MIA2: variants seen among roughly 807,000 people sequenced by gnomAD.
The protein encoded by MIA2 is MIA SH3 domain ER export factor 2, also known as melanoma inhibitory activity protein 2.
A neutral mutation model predicts 167.8 loss-of-function variants in MIA2; 127 were observed. The ratio of observed to expected loss-of-function variants is 0.76; its 90% CI spans 0.66 to 0.88. The LOEUF (loss-of-function observed/expected upper bound fraction) is 0.88. MIA2 is among the 40% of genes least tolerant of loss of function. The pLI, the probability that MIA2 is intolerant of heterozygous loss-of-function variation, is 0.00. For missense variants in MIA2, 1,690 were observed against 1,624.7 expected (o/e 1.04, Z -0.69); for synonymous variants, 552 against 541.9 (o/e 1.02, Z -0.26).
chr14:39,353,970 G>C (rs1481453251), downstream of MIA2, among the ~76,000 whole-genome samples: 2 of 152,156 alleles, frequency 1.3e-5, no homozygotes, highest in East Asian at 1.9e-4. Context: ...ATCATTGTCG[G>C]ACATTTGGGT....
At chr14:39,248,214 G>T in intron 4 of MIA2, 73 bp downstream of exon 4, 1 of 1,120,046 alleles carries the variant, frequency 8.9e-7, no homozygotes. Flanking sequence ...GTGCAAATCA[G>T]ATGAAAAAGT....
chr14:39,363,821 A>T (rs899466061), intron 23 of MIA2, among the ~76,000 whole-genome samples: 15 of 152,150 alleles, frequency 9.9e-5, no homozygotes, highest in African/African-American at 3.6e-4. Flanking sequence ...ATCTCATGTA[A>T]GTACTCTTGC....
intron 6 of MIA2, among the ~76,000 whole-genome samples, chr14:39,259,489 T>G (rs2054977633): frequency 6.6e-6 from 1 of 152,052 alleles, no homozygotes; most frequent in Non-Finnish European, 1.5e-5. Flanking sequence ...TTTTGAAAAT[T>G]TATTTCCCGT....
chr14:39,274,617 G>A (rs1177212482), intron 6 of MIA2, among the ~76,000 whole-genome samples: 6 of 149,386 alleles, frequency 4.0e-5, no homozygotes, highest in Non-Finnish European at 7.4e-5. Flanking sequence ...GTAGAGATGG[G>A]GTTTCACCAC....
intron 9 of MIA2, among the ~76,000 whole-genome samples, chr14:39,282,820 G>A (rs1250509692): frequency 6.6e-6 from 1 of 152,042 alleles, no homozygotes; most frequent in Non-Finnish European, 1.5e-5. Context: ...TGATCCTCTC[G>A]CCTCAGCCTC....
At chr14:39,238,280 C>A (rs2053858724) in intron 2 of MIA2, among the ~76,000 whole-genome samples, 1 of 151,562 alleles carries the variant, frequency 6.6e-6, no homozygotes, top group South Asian at 2.1e-4. Flanking sequence ...TCAAGCTATT[C>A]TCGTGCCTCA....
In MIA2 at chr14:39,294,174, G is replaced by C. The variant is rs565080586; in HGVS notation, c.2391+103G>C. 1.0e-5 allele frequency: 8 copies of C among 774,910 alleles called. No homozygotes were observed. In the East Asian group the frequency reaches 2.3e-4, roughly 23 times the overall value. The allele number at this position is 774,910 out of a possible 1,614,324, so 48.0% of individuals were successfully genotyped here. On this transcript the variant is annotated intron_variant, in intron 12 of 28. Coordinates refer to ENST00000640607, the MANE Select transcript of MIA2 (RefSeq NM_001329214.4). ...CACAATAGTAGGATTTGAGATATAG[G>C]GGATCCCAGATATGTATTTTTTTTT...
intron 24 of MIA2, among the ~76,000 whole-genome samples, chr14:39,324,736 A>T (rs931283639): frequency 2.7e-4 from 41 of 152,002 alleles, no homozygotes; most frequent in Admixed American, 2.2e-3. Flanking sequence ...CTTCCCGAGT[A>T]GCTGGGATTA....
chr14:39,350,606 G>C lies in MIA2; in HGVS notation c.*342G>C. 1 of 195,574 alleles carries C rather than the reference G, an allele frequency of 5.1e-6. No individual in the cohort carries two copies. Among genetic ancestry groups the C allele is most frequent in the East Asian group, 1.2e-4 (1 of 8,002 alleles). 12.1% of individuals were successfully genotyped at this position (195,574 alleles called of 1,614,324 possible). On this transcript the variant is annotated 3_prime_UTR_variant, in exon 29 of 29. Transcript: ENST00000640607. Reference sequence around the variant, plus strand: ...GTATTTACTGTGGTTGTGGACAAATGTGAAAGTAACTTTATGCTTAAATAA... The same window carrying C: ...GTATTTACTGTGGTTGTGGACAAATCTGAAAGTAACTTTATGCTTAAATAA...
At chr14:39,264,259 T>C (rs2055308429) in intron 6 of MIA2, among the ~76,000 whole-genome samples, 1 of 152,174 alleles carries the variant, frequency 6.6e-6, no homozygotes, top group African/African-American at 2.4e-5. Context: ...TGCATCCACG[T>C]TGCTGCAAAG....
At chr14:39,373,704 C>T (rs903912176) in intron 23 of MIA2, among the ~76,000 whole-genome samples, 1 of 152,072 alleles carries the variant, frequency 6.6e-6, no homozygotes, top group Admixed American at 6.6e-5. Context: ...ACCTGTAATC[C>T]CAGCTACTTG....
At chr14:39,376,178 T>C (rs907281841) in intron 23 of MIA2, among the ~76,000 whole-genome samples, 1 of 152,166 alleles carries the variant, frequency 6.6e-6, no homozygotes. Flanking sequence ...GGTCTCAAAC[T>C]CCTGGCCTCA....
chr14:39,279,825 C>A (rs779566517), intron 9 of MIA2, among the ~76,000 whole-genome samples: 1 of 152,148 alleles, frequency 6.6e-6, no homozygotes, highest in Non-Finnish European at 1.5e-5. Flanking sequence ...GTTCGTGTAT[C>A]CAAATGTTCT....
At chr14:39,382,972 T>TC (rs1423789707) in intron 23 of MIA2, among the ~76,000 whole-genome samples, 78 of 148,634 alleles carry the variant, frequency 5.2e-4, no homozygotes, top group Non-Finnish European at 1.0e-3. Flanking sequence ...TTTTTTTTTT[T>TC]TTTTGGTAAG....
At position 39,342,742 on chromosome 14, in the gene MIA2, A is replaced by G. The variant is rs571959405; in HGVS notation, c.3656-3162A>G. Among the ~76,000 whole-genome samples, 10 of 152,358 alleles carry G rather than the reference A, an allele frequency of 6.6e-5. No homozygotes were observed. In the South Asian group the frequency reaches 2.1e-3, roughly 32 times the overall value. ...CATAAAAAGAAAAAGCACACTATTT[A>G]CATGAATTGAACACTATTGCATTTC... On this transcript the variant is annotated intron_variant, in intron 25 of 28. Coordinates refer to ENST00000640607, the MANE Select transcript of MIA2 (RefSeq NM_001329214.4).
At chr14:39,307,646 C>G (rs1197527725) in intron 17 of MIA2, among the ~76,000 whole-genome samples, 1 of 151,928 alleles carries the variant, frequency 6.6e-6, no homozygotes, top group Non-Finnish European at 1.5e-5. Context: ...GTGATCCACC[C>G]CCTTCGGCCT....
chr14:39,282,167 T>G (rs2059045634), intron 9 of MIA2, among the ~76,000 whole-genome samples: 1 of 152,186 alleles, frequency 6.6e-6, no homozygotes, highest in East Asian at 1.9e-4. Flanking sequence ...GTGGGTGCTG[T>G]CGTCTCTCTT....
At chr14:39,335,233 T>G (rs900933432) in intron 25 of MIA2, among the ~76,000 whole-genome samples, 4 of 152,198 alleles carry the variant, frequency 2.6e-5, no homozygotes, top group South Asian at 4.1e-4. Flanking sequence ...TTCTTAAATT[T>G]TAAAATATTT....
intron 3 of MIA2, among the ~76,000 whole-genome samples, chr14:39,245,753 C>A (rs534456666): frequency 1.4e-4 from 22 of 152,250 alleles, no homozygotes; most frequent in Admixed American, 7.9e-4. Context: ...TATAAGGGAA[C>A]CCACTCCTGT....
Sources: allele counts gnomAD v4.1 joint callset (sites outside exome capture counted in the v4.1 genomes callset), GRCh38; gene constraint gnomAD v4.1.1; transcripts MANE v1.5; gene names NCBI Gene and HGNC (gene_info 2026-07-23, HGNC 2026-07-21).